The following COL6A3 variants were observed in gnomAD, a reference collection of about 807,000 sequenced individuals.
COL6A3 encodes collagen alpha-3(VI) chain.
In COL6A3, 137 loss-of-function variants were observed where a neutral mutation model predicts 274.1. That is an observed-to-expected ratio of 0.50 (90% CI 0.44 to 0.58). The LOEUF (loss-of-function observed/expected upper bound fraction) is 0.58. Among genes scored for constraint, COL6A3 ranks in the 20% least tolerant of loss-of-function variants. The pLI is 0.00. For synonymous variants in COL6A3, 1,650 were observed against 1,650.6 expected (o/e 1.00, Z 0.01); for missense variants, 3,950 against 4,124.9 (o/e 0.96, Z 1.16).
chr2:237,347,986 TG>T, intron 30 of COL6A3, 117 bp from the exon 31 acceptor site: 1 of 932,268 alleles, frequency 1.1e-6, no homozygotes, highest in Non-Finnish European at 1.7e-6. Context: ...GGCAGCCAAG[TG>T]GTTAGTTTTG....
intron 6 of COL6A3, 89 bp from the exon 7 acceptor site, chr2:237,377,433 A>T: frequency 1.5e-6 from 2 of 1,323,290 alleles, no homozygotes; most frequent in South Asian, 1.2e-5. Context: ...TGACAACAGG[A>T]GTTGGTGAAA....
chr2:237,341,543 T>TAAAAA lies in COL6A3; in HGVS notation c.7766-398_7766-394dup, dbSNP rs71039760. ...TGGGCAACAAGAGCAAGACTCTGTC[T>TAAAAA]AAAAAAAAAAAAAAAAAAAAAAAAA... is the stretch of plus-strand genomic sequence containing the variant. On this transcript the variant is annotated intron_variant, in intron 37 of 43. Coordinates refer to ENST00000295550, the MANE Select transcript of COL6A3 (RefSeq NM_004369.4). Among the ~76,000 whole-genome samples, 134 of 49,122 alleles carry TAAAAA rather than the reference T, an allele frequency of 2.7e-3. 3 individuals are homozygous for TAAAAA. Among genetic ancestry groups the TAAAAA allele is most frequent in the African/African-American group, 0.011 (123 of 11,116 alleles). 32.2% of individuals were successfully genotyped at this position (49,122 alleles called of 152,430 possible).
Position 237,371,828 on chromosome 2 carries a change from G to A in COL6A3, c.4189C>T (p.Leu1397=). Residue 1397 remains leucine, a synonymous_variant, in exon 9 of 44, where the codon CTG becomes TTG. Transcript: ENST00000295550. The surrounding 1 kb of genome is among the most constrained non-coding windows in gnomAD (Gnocchi z 4.3). ...YVFSVSTFRE[L]PSLEQKLLTP... is the part of the protein sequence containing the mutation. The stretch of plus-strand genomic sequence containing the variant: ...AGCAGTTTCTGCTCCAGGCTGGGCA[G>A]CTCCCGGAAGGTGCTCACCGAGAAC... The A allele has an allele frequency of 1.2e-6, 2 of 1,613,584 alleles. No homozygotes were observed. Among genetic ancestry groups the A allele is most frequent in the Middle Eastern group, 1.6e-4 (1 of 6,062 alleles).
In COL6A3 at chr2:237,387,976, C is replaced by T. The variant is rs774301178; in HGVS notation, c.918G>A (p.Leu306=). ...CAAACCCGAGGGCTTTCACTGCACC[C>T]AGAACCTGGGCCTTGGTGGAGTAGG... ...LDTYSTKAQV[L]GAVKALGFAG... Residue 306 remains leucine, a synonymous_variant, in exon 4 of 44, where the codon CTG becomes CTA. Transcript: ENST00000295550. 9 of 1,614,220 alleles carry T rather than the reference C, an allele frequency of 5.6e-6. No individual in the cohort carries two copies. The South Asian group carries it at 9.9e-5, about 18-fold the overall frequency.
At chr2:237,384,963 C>A (rs961000706) in intron 4 of COL6A3, among the ~76,000 whole-genome samples, 2 of 152,108 alleles carry the variant, frequency 1.3e-5, no homozygotes, top group South Asian at 2.1e-4. Context: ...GGACTAAGTG[C>A]CTTCTTGTTG....
In COL6A3 at chr2:237,367,272, C is replaced by T; in HGVS notation, c.4915G>A (p.Asp1639Asn). ...GAACCATCCAACAGGAACACAATGTCTGCTTTCTTCTTCTCTAGAAGTGAT... is the reference window on the plus strand; with the variant it reads ...GAACCATCCAACAGGAACACAATGTTTGCTTTCTTCTTCTCTAGAAGTGAT... The part of the protein sequence containing the change: ...PPSRPEKKKA[D>N]IVFLLDGSIN... Residue 1639 changes from aspartate (D) to asparagine (N), a missense_variant, in exon 11 of 44, where the codon GAC becomes AAC. Physicochemically the swap from Asp to Asn is conservative, Grantham distance 23. Transcript: ENST00000295550. 1 of 1,613,496 alleles carries T rather than the reference C, an allele frequency of 6.2e-7. No individual in the cohort carries two copies. Among genetic ancestry groups the T allele is most frequent in the Non-Finnish European group, 8.5e-7 (1 of 1,179,676 alleles).
At position 237,366,055 on chromosome 2, in the gene COL6A3, G is replaced by A. The variant is rs2077544723; in HGVS notation, c.5501-20C>T. The A allele has an allele frequency of 1.2e-6, 2 of 1,607,192 alleles. No individual in the cohort carries two copies. Among genetic ancestry groups the A allele is most frequent in the Non-Finnish European group, 1.7e-6 (2 of 1,174,662 alleles). The stretch of plus-strand genomic sequence containing the variant: ...TACAAGCTGGAAAGGAGAAATGCAG[G>A]TGATGAGTTCTCAGCTGGGGCTGAG... On this transcript the variant is annotated intron_variant, in intron 11 of 43. Transcript: ENST00000295550.
rs1185128519 is a variant in COL6A3 at position 237,364,179 on chromosome 2, C to T, written c.5917+171G>A. ...CAGAAGGAATTTTTGTTAGCTCCAT[C>T]CCACAGCTCCAAGCAGGTGATGAAG... On this transcript the variant is annotated intron_variant, in intron 13 of 43. Transcript: ENST00000295550. The surrounding 1 kb of genome is among the most constrained non-coding windows in gnomAD (Gnocchi z 4.6). 1.3e-5 allele frequency among the ~76,000 whole-genome samples: 2 copies of T among 152,210 alleles called. No individual in the cohort carries two copies. The highest frequency in any genetic ancestry group is 2.9e-5 in the Non-Finnish European group (2 of 68,026).
Position 237,374,693 on chromosome 2 carries a change from G to A in COL6A3, c.3398C>T (p.Pro1133Leu). 3 of 1,613,744 alleles carry A rather than the reference G, an allele frequency of 1.9e-6. No individual in the cohort carries two copies. Among genetic ancestry groups the A allele is most frequent in the South Asian group, 1.1e-5 (1 of 91,068 alleles). ...SAGSRITEGVPQLLIVLTADR... is the reference protein window; with the variant it reads ...SAGSRITEGVLQLLIVLTADR... ...GGCCGTGAGGACGATCAGCAGCTGG[G>A]GCACACCTTCTGTTATCCTGCTTCC... The change falls in exon 8 of 44, where the codon CCC becomes CTC. Residue 1133 changes from proline (P) to leucine (L), a missense_variant. By Grantham distance (98) the Pro-to-Leu change is moderately conservative (BLOSUM62 -3). Coordinates refer to ENST00000295550, the MANE Select transcript of COL6A3 (RefSeq NM_004369.4). This position sits in a 1 kb window ranked among gnomAD's most constrained non-coding sequence, Gnocchi z 4.8.
In COL6A3 at chr2:237,364,755, T is replaced by C. The variant is rs1252275915; in HGVS notation, c.5839-327A>G. On this transcript the variant is annotated intron_variant, in intron 12 of 43. Coordinates refer to ENST00000295550, the MANE Select transcript of COL6A3 (RefSeq NM_004369.4). This position sits in a 1 kb window ranked among gnomAD's most constrained non-coding sequence, Gnocchi z 4.6. Reference sequence around the variant, plus strand: ...GCATGCATGTGTGCGTGCATGTGTGTGCATGTGTGTGGGTACATATGTGTG... The same window carrying C: ...GCATGCATGTGTGCGTGCATGTGTGCGCATGTGTGTGGGTACATATGTGTG... Among the ~76,000 whole-genome samples the C allele has an allele frequency of 1.3e-5, 2 of 151,978 alleles. No homozygotes were observed. The highest frequency in any genetic ancestry group is 2.4e-5 in the African/African-American group (1 of 41,372).
chr2:237,354,804 T>G, intron 24 of COL6A3, 95 bp downstream of exon 24: 2 of 1,060,414 alleles, frequency 1.9e-6, no homozygotes, highest in Admixed American at 4.9e-5. Flanking sequence ...TCTCCGAAGC[T>G]TTGGGTTCAC....
At position 237,361,215 on chromosome 2, in the gene COL6A3, C is replaced by T. The variant is rs377314108; in HGVS notation, c.6157-41G>A. ...CGGGTCCTCTGTTTAATCCCGTGGT[C>T]TTCTTTGCTCTACAGTAAGAATCCC... On this transcript the variant is annotated intron_variant, in intron 15 of 43. Coordinates refer to ENST00000295550, the MANE Select transcript of COL6A3 (RefSeq NM_004369.4). This position sits in a 1 kb window ranked among gnomAD's most constrained non-coding sequence, Gnocchi z 5.1. The T allele has an allele frequency of 1.3e-6, 2 of 1,584,190 alleles. No individual in the cohort carries two copies. Among genetic ancestry groups the T allele is most frequent in the Non-Finnish European group, 1.7e-6 (2 of 1,152,926 alleles).
intron 14 of COL6A3, among the ~76,000 whole-genome samples, chr2:237,362,591 G>A (rs1355203227): frequency 6.6e-6 from 1 of 152,184 alleles, no homozygotes; most frequent in Non-Finnish European, 1.5e-5. Flanking sequence ...TTCTAACCCT[G>A]CAAAGAAGTA....
Position 237,359,215 on chromosome 2 carries a change from A to G in COL6A3, c.6345T>C (p.Asp2115=), listed in dbSNP as rs767759679. ...EVGEIGLDGL[D]GEDGDKGLPG... ...GAGTAAAATCACTTACATCTTCACC[A>G]TCCAGACCATCCAGTCCAATTTCTC... The change falls in exon 19 of 44, where the codon GAT becomes GAC. Residue 2115 remains aspartate, a synonymous_variant. Coordinates refer to ENST00000295550, the MANE Select transcript of COL6A3 (RefSeq NM_004369.4). 2 of 1,614,218 alleles carry G rather than the reference A, an allele frequency of 1.2e-6. No individual in the cohort carries two copies. The highest frequency in any genetic ancestry group is 1.7e-6 in the Non-Finnish European group (2 of 1,180,028).
At chr2:237,375,394 G>C (rs1450973886) in intron 7 of COL6A3, among the ~76,000 whole-genome samples, 4 of 152,228 alleles carry the variant, frequency 2.6e-5, no homozygotes, top group African/African-American at 7.2e-5. Flanking sequence ...TGGAAAAGGT[G>C]AGCAGATGAA....
intron 42 of COL6A3, among the ~76,000 whole-genome samples, chr2:237,331,724 TAAA>T (rs11310117): frequency 0.1 from 14,842 of 147,646 alleles, 757 homozygotes; most frequent in Middle Eastern, 0.17. Context: ...GTTCTTTTTT[TAAA>T]AAAAAAAAAA....
intron 21 of COL6A3, 150 bp from the exon 22 acceptor site, chr2:237,358,032 A>C (rs2077355835): frequency 1.3e-6 from 1 of 785,146 alleles, no homozygotes; most frequent in Non-Finnish European, 2.3e-6. Flanking sequence ...GGTAACATCC[A>C]TGCAGGTCTT....
In COL6A3 at chr2:237,366,046, G is replaced by C; in HGVS notation, c.5501-11C>G. 1 of 1,611,868 alleles carries C rather than the reference G, an allele frequency of 6.2e-7. No individual in the cohort carries two copies. The highest frequency in any genetic ancestry group is 8.5e-7 in the Non-Finnish European group (1 of 1,178,698). On this transcript the variant is annotated splice_polypyrimidine_tract_variant and intron_variant, in intron 11 of 43. Transcript: ENST00000295550. ...CATCCAGATTACAAGCTGGAAAGGA[G>C]AAATGCAGGTGATGAGTTCTCAGCT... is the stretch of plus-strand genomic sequence containing the variant.
At position 237,387,631 on chromosome 2, in the gene COL6A3, G is replaced by A. The variant is rs775821966; in HGVS notation, c.1263C>T (p.Gly421=). Residue 421 remains glycine (G), a synonymous_variant, in exon 4 of 44, where the codon GGC becomes GGT. Coordinates refer to ENST00000295550, the MANE Select transcript of COL6A3 (RefSeq NM_004369.4). ...TCAAGACAATGTGCCTTTGGGCCAC[G>A]CCAACAATGTACGGCAGTAATTTCT... ...LQEKLLPYIV[G]VAQRHIVLKP... The A allele has an allele frequency of 4.6e-5, 74 of 1,613,426 alleles. No homozygotes were observed. Among genetic ancestry groups the A allele is most frequent in the Middle Eastern group, 3.3e-4 (2 of 6,084 alleles).
Sources: allele counts gnomAD v4.1 joint callset (sites outside exome capture counted in the v4.1 genomes callset), GRCh38; gene constraint gnomAD v4.1.1; non-coding constraint Gnocchi (gnomAD v3.1); transcripts MANE v1.5; gene names NCBI Gene and HGNC (gene_info 2026-07-23, HGNC 2026-07-21).